CDYL2: variants seen among roughly 807,000 people sequenced by gnomAD.
The protein encoded by CDYL2 is chromodomain Y-like protein 2.
CDYL2 carries 23 observed loss-of-function variants against 49.4 expected under a neutral mutation model. The ratio of observed to expected loss-of-function variants is 0.47; its 90% confidence interval spans 0.34 to 0.66. The LOEUF is 0.66. CDYL2 is among the 30% of genes least tolerant of loss of function. CDYL2 has a pLI of 0.01. For synonymous variants in CDYL2, 360 were observed against 268.8 expected, an observed-to-expected ratio of 1.34 and a Z score of -3.32; for missense variants, 678 against 656.4, an observed-to-expected ratio of 1.03 and a Z score of -0.36.
At chr16:80,754,864 AG>A (rs1906255861) in intron 1 of CDYL2, among the ~76,000 whole-genome samples, 1 of 152,180 alleles carries the variant, frequency 6.6e-6, no homozygotes, top group Non-Finnish European at 1.5e-5. Context: ...CTCCTGTATC[AG>A]GGAAGGGAGC....
chr16:80,730,394 T>C (rs1347538211), intron 1 of CDYL2, among the ~76,000 whole-genome samples: 1 of 152,018 alleles, frequency 6.6e-6, no homozygotes, highest in African/African-American at 2.4e-5. Context: ...CTCCCAAGAC[T>C]AAACCAGGAA....
rs754171949 is a variant in CDYL2, at chr16:80,601,592, A to G, written c.*2796T>C. The G allele has an allele frequency of 6.6e-6, 1 of 152,104 alleles. No individual in the cohort carries two copies. Among genetic ancestry groups the G allele is most frequent in the Non-Finnish European group, 1.5e-5 (1 of 68,028 alleles). The allele number at this position is 152,104 out of a possible 1,614,324, so 9.4% of individuals were successfully genotyped here. On this transcript the variant is annotated 3_prime_UTR_variant, in exon 7 of 7. Coordinates refer to ENST00000570137, the MANE Select transcript of CDYL2 (RefSeq NM_152342.4). ...TGTCTCAGGAAAGCTATTAGGATAA[A>G]CCCTGACACAACCAGAGGTCTGGTA...
chr16:80,643,970 A>G (rs577134194), intron 2 of CDYL2, among the ~76,000 whole-genome samples: 34 of 152,320 alleles, frequency 2.2e-4, no homozygotes, highest in African/African-American at 7.7e-4. Context: ...AATTTCTCCT[A>G]AAACAAAAAA....
intron 1 of CDYL2, among the ~76,000 whole-genome samples, chr16:80,802,109 T>C (rs1057178313): frequency 6.6e-6 from 1 of 152,182 alleles, no homozygotes; most frequent in African/African-American, 2.4e-5. Context: ...AACTCTCCTC[T>C]TAACAGACTA....
Position 80,604,118 on chromosome 16 carries a change from C to T in CDYL2, c.*270G>A, listed in dbSNP as rs1428040710. The T allele has an allele frequency of 1.0e-5, 5 of 478,996 alleles. No homozygotes were observed. The highest frequency in any genetic ancestry group is 3.9e-5 in the African/African-American group (2 of 51,638). 29.7% of individuals were successfully genotyped at this position (478,996 alleles called of 1,614,324 possible). A position where few individuals can be genotyped will look rare whatever the true frequency, so the allele number is the denominator to read the frequency against. The stretch of plus-strand genomic sequence containing the variant: ...ATTTCAGCAAGTGGGGAAAGGACAG[C>T]GGTGCTTGGCGGAGCCCTGGGAAGA... On this transcript the variant is annotated 3_prime_UTR_variant, in exon 7 of 7. Coordinates refer to ENST00000570137, the MANE Select transcript of CDYL2 (RefSeq NM_152342.4).
At chr16:80,650,393 C>G (rs1183057948) in intron 2 of CDYL2, among the ~76,000 whole-genome samples, 1 of 152,084 alleles carries the variant, frequency 6.6e-6, no homozygotes, top group Non-Finnish European at 1.5e-5. Flanking sequence ...CAAAGAAATG[C>G]AAATCAAAAC....
chr16:80,642,713 T>A (rs1400170017), intron 2 of CDYL2, among the ~76,000 whole-genome samples: 3 of 152,196 alleles, frequency 2.0e-5, no homozygotes, highest in South Asian at 4.2e-4. Context: ...ATAAGGAAGA[T>A]GCAAAAGTGG....
At chr16:80,782,539 A>G (rs998889764) in intron 1 of CDYL2, among the ~76,000 whole-genome samples, 5 of 150,570 alleles carry the variant, frequency 3.3e-5, no homozygotes, top group Non-Finnish European at 7.4e-5. Context: ...AGAAAAAAAA[A>G]AAAAAAAAAA....
rs76572391 is a variant in CDYL2, at chr16:80,608,574, T to G, written c.1219-339A>C. 5.0e-3 allele frequency among the ~76,000 whole-genome samples: 767 copies of G among 152,144 alleles called. 7 individuals carry two copies. Among genetic ancestry groups the G allele is most frequent in the African/African-American group, 0.017 (724 of 41,518 alleles). ...AGCCGATGACCCAGCCGTGATGACA[T>G]CATTGGCACTGAAATGCACACAGCC... On this transcript the variant is annotated intron_variant, in intron 5 of 6. Transcript: ENST00000570137.
chr16:80,689,356 A>G (rs528479218), intron 1 of CDYL2, among the ~76,000 whole-genome samples: 25 of 152,350 alleles, frequency 1.6e-4, no homozygotes, highest in African/African-American at 5.8e-4. Flanking sequence ...TGACTGGTAC[A>G]TGCATAGTTC....
chr16:80,753,859 A>C (rs1255435082), intron 1 of CDYL2, among the ~76,000 whole-genome samples: 2 of 152,244 alleles, frequency 1.3e-5, no homozygotes, highest in Non-Finnish European at 1.5e-5. Flanking sequence ...ACAGATTGTG[A>C]GAAGATATTT....
chr16:80,772,310 C>CA (rs1906931806), intron 1 of CDYL2, among the ~76,000 whole-genome samples: 1 of 152,002 alleles, frequency 6.6e-6, no homozygotes, highest in African/African-American at 2.4e-5. Context: ...TGGAGAAAGT[C>CA]AAAAGAATAA....
rs185172526 is a variant in CDYL2, at chr16:80,661,226, T to G, written c.616+23312A>C. Among the ~76,000 whole-genome samples the G allele has an allele frequency of 3.8e-3, 582 of 152,172 alleles. 2 individuals are homozygous for G. Among genetic ancestry groups the G allele is most frequent in the African/African-American group, 0.013 (520 of 41,512 alleles). On this transcript the variant is annotated intron_variant, in intron 2 of 6. Transcript: ENST00000570137. ...GATCGCTGAAGGATGCTATCCCCAA[T>G]TGAGGGATACATTATCCATTCTGGT...
At chr16:80,688,492 T>C (rs1339874648) in intron 1 of CDYL2, among the ~76,000 whole-genome samples, 2 of 152,218 alleles carry the variant, frequency 1.3e-5, no homozygotes, top group Admixed American at 6.5e-5. Flanking sequence ...CCGATACATA[T>C]GAACTTCAGT....
intron 1 of CDYL2, among the ~76,000 whole-genome samples, chr16:80,754,454 G>C (rs572693192): frequency 2.0e-5 from 3 of 152,322 alleles, no homozygotes; most frequent in South Asian, 2.1e-4. Context: ...AATTTCTGCA[G>C]AGGAACTTTC....
intron 1 of CDYL2, among the ~76,000 whole-genome samples, chr16:80,759,562 T>C (rs757283491): frequency 2.6e-5 from 4 of 152,194 alleles, no homozygotes; most frequent in Non-Finnish European, 4.4e-5. Context: ...TTTGTGATGA[T>C]GGTTATGAGT....
In CDYL2 at chr16:80,625,062, C is replaced by T. The variant is rs572028554; in HGVS notation, c.835-4127G>A. Among the ~76,000 whole-genome samples, 4 of 152,254 alleles carry T rather than the reference C, an allele frequency of 2.6e-5. No homozygotes were observed. The South Asian group carries it at 8.3e-4, about 32-fold the overall frequency. ...GAATTTAACAGAATTGATGAAAGAT[C>T]CACTAGTTTCCTATGGCTGCTGTAA... On this transcript the variant is annotated intron_variant, in intron 3 of 6. Transcript: ENST00000570137.
intron 1 of CDYL2, among the ~76,000 whole-genome samples, chr16:80,767,741 T>A (rs1183210722): frequency 6.6e-6 from 1 of 152,170 alleles, no homozygotes; most frequent in Non-Finnish European, 1.5e-5. Context: ...TGCCAGCTTG[T>A]GGCAGAGTAG....
At chr16:80,729,884 A>G (rs1905272269) in intron 1 of CDYL2, among the ~76,000 whole-genome samples, 1 of 152,232 alleles carries the variant, frequency 6.6e-6, no homozygotes, top group Non-Finnish European at 1.5e-5. Flanking sequence ...GCAGAAATAA[A>G]GATGTTCTTT....
Sources: gnomAD v4.1 joint callset for allele counts (sites outside exome capture counted in the v4.1 genomes callset) on GRCh38, gnomAD v4.1.1 for gene constraint, MANE v1.5 for transcripts, NCBI Gene and HGNC (gene_info 2026-07-23, HGNC 2026-07-21) for gene names.